The following CDK12 variants were observed in gnomAD, a reference collection of about 807,000 sequenced individuals.
CDK12 encodes cyclin dependent kinase 12.
A neutral mutation model predicts 133.8 loss-of-function variants in CDK12; 17 were observed. The observed-to-expected ratio is 0.13, with a 90% CI of 0.09 to 0.19. The LOEUF is 0.19. Ranked by LOEUF, CDK12 falls within the 10% of genes least tolerant of loss-of-function variation. The pLI, the probability that CDK12 is intolerant of heterozygous loss-of-function variation, is 1.00. For synonymous variants in CDK12, 694 were observed against 683.6 expected (o/e 1.02, Z -0.24); for missense variants, 1,508 against 1,818.7 (o/e 0.83, Z 3.11).
At chr17:39,561,474 A>T (rs979812394) in intron 3 of CDK12, among the ~76,000 whole-genome samples, 2 of 152,198 alleles carry the variant, frequency 1.3e-5, no homozygotes, top group Non-Finnish European at 2.9e-5. Context: ...ACCGTTCTTC[A>T]TGGCAACTGA....
chr17:39,476,740 T>TTTTTTTTTTTTTTC (rs2050239995), intron 2 of CDK12, among the ~76,000 whole-genome samples: 1 of 139,372 alleles, frequency 7.2e-6, no homozygotes, highest in Non-Finnish European at 1.5e-5. Context: ...TTTTTTTTTT[T>TTTTTTTTTTTTTTC]GAGACAGAGT....
intron 6 of CDK12, among the ~76,000 whole-genome samples, chr17:39,504,706 C>A (rs559397959): frequency 2.0e-5 from 3 of 151,504 alleles, no homozygotes; most frequent in Non-Finnish European, 4.4e-5. Flanking sequence ...TAGCAAAATT[C>A]TGTCTCTACT....
intron 1 of CDK12, among the ~76,000 whole-genome samples, chr17:39,466,307 C>CAAA (rs370044004): frequency 1.1e-5 from 1 of 94,518 alleles, no homozygotes. Context: ...GACTGCGTCT[C>CAAA]AAAAAAAAAA....
rs2054995011 is a variant in CDK12 at position 39,533,672 on chromosome 17, A to AG, written c.*2361dup. ...TCCATTCCCTCATCCCTACTAGGGAAGGGGGTGAGTGTATGTGTGAGTGTA... is the reference window on the plus strand; with the variant it reads ...TCCATTCCCTCATCCCTACTAGGGAAGGGGGGTGAGTGTATGTGTGAGTGTA... On this transcript the variant is annotated 3_prime_UTR_variant, in exon 14 of 14. Coordinates refer to ENST00000447079, the MANE Select transcript of CDK12 (RefSeq NM_016507.4). 4.3e-6 allele frequency: 1 copy of AG among 232,914 alleles called. No individual in the cohort carries two copies. Among genetic ancestry groups the AG allele is most frequent in the South Asian group, 1.8e-4 (1 of 5,520 alleles). The allele number at this position is 232,914 out of a possible 1,614,324, so 14.4% of individuals were successfully genotyped here.
chr17:39,516,812 A>G (rs1166513186), intron 9 of CDK12, among the ~76,000 whole-genome samples: 1 of 151,106 alleles, frequency 6.6e-6, no homozygotes, highest in South Asian at 2.1e-4. Flanking sequence ...ACAGGTGCCC[A>G]CCACCACACG....
chr17:39,516,338 G>A (rs2053801753), intron 9 of CDK12, among the ~76,000 whole-genome samples: 1 of 151,822 alleles, frequency 6.6e-6, no homozygotes, highest in Non-Finnish European at 1.5e-5. Context: ...TTAAAGGGAA[G>A]AATATAGCAG....
intron 1 of CDK12, among the ~76,000 whole-genome samples, chr17:39,470,586 A>G (rs2049719274): frequency 6.6e-6 from 1 of 152,182 alleles, no homozygotes. Context: ...TAATGAGCCA[A>G]TATTGATACA....
chr17:39,558,171 T>A (rs938258458), intron 3 of CDK12, among the ~76,000 whole-genome samples: 3 of 152,190 alleles, frequency 2.0e-5, no homozygotes, highest in Admixed American at 6.5e-5. Flanking sequence ...TTCTACACGA[T>A]GTGGAGTAGG....
At chr17:39,508,142 G>T (rs1477356330) in intron 6 of CDK12, among the ~76,000 whole-genome samples, 1 of 152,082 alleles carries the variant, frequency 6.6e-6, no homozygotes, top group East Asian at 1.9e-4. Context: ...ATGTTCCACT[G>T]AGCATTTCCT....
In CDK12 at chr17:39,462,099, A is replaced by G; in HGVS notation, c.28A>G (p.Lys10Glu). Residue 10 changes from lysine (K) to glutamate (E), a missense_variant, in exon 1 of 14, where the codon AAG becomes GAG. Lys to Glu is a moderately conservative substitution (Grantham distance 56). Coordinates refer to ENST00000447079, the MANE Select transcript of CDK12 (RefSeq NM_016507.4). ...GCCCAATTCAGAGAGACATGGGGGC[A>G]AGAAGGACGGGAGTGGAGGAGCTTC... MPNSERHGG[K>E]KDGSGGASGT... 6.2e-7 allele frequency: 1 copy of G among 1,614,106 alleles called. No homozygotes were observed. The highest frequency in any genetic ancestry group is 8.5e-7 in the Non-Finnish European group (1 of 1,179,956).
In CDK12 at chr17:39,530,937, C is replaced by T. The variant is rs539152978; in HGVS notation, c.4094C>T (p.Ser1365Phe). ...AACTCTGGTCCAGCCTTGACAGAAT[C>T]CTTGGTCCAGACCCTGGTGAAGAAC... ...ERNSGPALTE[S>F]LVQTLVKNRT... Residue 1365 changes from serine to phenylalanine, a missense_variant, in exon 14 of 14, where the codon TCC becomes TTC. Ser to Phe is a radical substitution (Grantham distance 155). Around this residue, in one of 9 missense-constraint regions of CDK12, gnomAD observed 399 missense variants for 469.6 expected, o/e 0.85. Transcript: ENST00000447079. 5.6e-6 allele frequency: 9 copies of T among 1,614,200 alleles called. No individual in the cohort carries two copies. In the South Asian group the frequency reaches 6.6e-5, roughly 12 times the overall value.
chr17:39,516,126 A>G (rs550803126), intron 9 of CDK12, among the ~76,000 whole-genome samples: 6 of 152,216 alleles, frequency 3.9e-5, no homozygotes, highest in Admixed American at 3.9e-4. Flanking sequence ...TGAGCCTGTT[A>G]TACAACAGAT....
At chr17:39,517,600 G>A in intron 10 of CDK12, 44 bp downstream of exon 10, 1 of 1,225,022 alleles carries the variant, frequency 8.2e-7, no homozygotes, top group Non-Finnish European at 1.2e-6. Flanking sequence ...TGTCTGGCTG[G>A]TGTTGGGACT....
chr17:39,537,457 A>G (rs1438026410), downstream of CDK12, among the ~76,000 whole-genome samples: 1 of 152,164 alleles, frequency 6.6e-6, no homozygotes, highest in East Asian at 1.9e-4. Context: ...ATGAAGCAAT[A>G]TAAGAGGTGG....
chr17:39,553,279 T>C (rs1457565004), intron 2 of CDK12, among the ~76,000 whole-genome samples: 1 of 151,954 alleles, frequency 6.6e-6, no homozygotes, highest in African/African-American at 2.4e-5. Context: ...ACCTTGGAGT[T>C]TGTTAAGCAG....
downstream of CDK12, among the ~76,000 whole-genome samples, chr17:39,537,627 A>G (rs1241608623): frequency 6.7e-6 from 1 of 149,696 alleles, no homozygotes; most frequent in Non-Finnish European, 1.5e-5. Context: ...CAGTGGTGTG[A>G]TCTCGGCTCA....
chr17:39,471,109 T>C lies in CDK12; in HGVS notation c.1277T>C (p.Phe426Ser). The C allele has an allele frequency of 6.2e-7, 1 of 1,608,876 alleles. No homozygotes were observed. Among genetic ancestry groups the C allele is most frequent in the Non-Finnish European group, 8.5e-7 (1 of 1,178,638 alleles). The part of the protein sequence containing the change: ...DGKESKGSPV[F>S]LPRKENSSVE... ...AAGGAGTCCAAGGGTTCACCTGTAT[T>C]TTTGCCTAGAAAAGAGAACAGTTCA... Residue 426 changes from phenylalanine (F) to serine (S), a missense_variant, in exon 2 of 14, where the codon TTT becomes TCT. Physicochemically the swap from Phe to Ser is radical, Grantham distance 155. This residue lies in a region of CDK12 where 347 missense variants were observed against 330.8 expected (regional missense o/e 1.05). Coordinates refer to ENST00000447079, the MANE Select transcript of CDK12 (RefSeq NM_016507.4).
At chr17:39,513,290 G>T (rs1396070635) in intron 8 of CDK12, among the ~76,000 whole-genome samples, 2 of 152,120 alleles carry the variant, frequency 1.3e-5, no homozygotes, top group African/African-American at 2.4e-5. Flanking sequence ...ACTTCCCAGT[G>T]GAGCAAATCA....
rs780187107 is a variant in CDK12, at chr17:39,492,742, A to G, written c.2109-9A>G. On this transcript the variant is annotated splice_polypyrimidine_tract_variant and intron_variant, in intron 3 of 13. Coordinates refer to ENST00000447079, the MANE Select transcript of CDK12 (RefSeq NM_016507.4). ...CTTAAATAACTATTTTGTTGTTTTTACTTTTTAGAATTTGTTGTCCTCGTT... is the reference window on the plus strand; with the variant it reads ...CTTAAATAACTATTTTGTTGTTTTTGCTTTTTAGAATTTGTTGTCCTCGTT... The G allele has an allele frequency of 1.9e-6, 3 of 1,603,256 alleles. No homozygotes were observed. Among genetic ancestry groups the G allele is most frequent in the Admixed American group, 1.7e-5 (1 of 57,552 alleles).
Sources: allele counts gnomAD v4.1 joint callset (sites outside exome capture counted in the v4.1 genomes callset), GRCh38; gene constraint gnomAD v4.1.1; regional missense constraint gnomAD v4.1.1; transcripts MANE v1.5; gene names NCBI Gene and HGNC (gene_info 2026-07-23, HGNC 2026-07-21).